Variants in AGBL4 observed in about 807,000 individuals in gnomAD.
AGBL4 encodes the protein AGBL carboxypeptidase 4, also known as cytosolic carboxypeptidase 6.
AGBL4 carries 58 observed loss-of-function variants against 66.4 expected under a neutral mutation model. That is an observed-to-expected ratio of 0.87 (90% CI 0.71 to 1.09). The LOEUF is 1.09. Ranked by LOEUF, AGBL4 falls within the 50% of genes least tolerant of loss-of-function variation. The pLI is 0.00. For missense variants in AGBL4, 579 were observed against 631.0 expected (o/e 0.92, Z 0.88); for synonymous variants, 234 against 222.9 (o/e 1.05, Z -0.44).
At chr1:49,785,784 G>A (rs1396919466) in intron 2 of AGBL4, among the ~76,000 whole-genome samples, 4 of 150,732 alleles carry the variant, frequency 2.7e-5, no homozygotes, top group Admixed American at 1.3e-4. Flanking sequence ...AACAACCTAG[G>A]CTAGAAAAAA....
chr1:49,516,175 G>A (rs973049287), intron 3 of AGBL4, among the ~76,000 whole-genome samples: 1 of 151,970 alleles, frequency 6.6e-6, no homozygotes, highest in African/African-American at 2.4e-5. Context: ...ATACAGAAAT[G>A]GATATGACAG....
chr1:49,719,773 C>T (rs1389404292), intron 2 of AGBL4, among the ~76,000 whole-genome samples: 1 of 151,994 alleles, frequency 6.6e-6, no homozygotes, highest in African/African-American at 2.4e-5. Flanking sequence ...GTAATTTAAC[C>T]ATGGAGATGT....
intron 6 of AGBL4, among the ~76,000 whole-genome samples, chr1:48,789,743 T>C (rs1645500464): frequency 2.6e-5 from 4 of 152,060 alleles, no homozygotes; most frequent in Admixed American, 2.6e-4. Flanking sequence ...CTCCAAGTCA[T>C]AGGAAGAACT....
intron 3 of AGBL4, among the ~76,000 whole-genome samples, chr1:49,669,929 G>T (rs1385003994): frequency 1.3e-5 from 2 of 151,840 alleles, no homozygotes; most frequent in South Asian, 4.2e-4. Context: ...ACAAGATAAA[G>T]AAAAAGTTGG....
chr1:48,704,899 C>T (rs988888482), intron 6 of AGBL4, among the ~76,000 whole-genome samples: 5 of 152,204 alleles, frequency 3.3e-5, no homozygotes, highest in South Asian at 2.1e-4. Flanking sequence ...TCAACTATGA[C>T]GTCCTGCGCA....
At chr1:49,367,751 T>C (rs1010293392) in intron 3 of AGBL4, among the ~76,000 whole-genome samples, 2 of 152,350 alleles carry the variant, frequency 1.3e-5, no homozygotes, top group African/African-American at 4.8e-5. Flanking sequence ...TTTTATGTTT[T>C]TATTGTGGTA....
chr1:49,489,421 A>C (rs1486345365), intron 3 of AGBL4, among the ~76,000 whole-genome samples: 1 of 151,724 alleles, frequency 6.6e-6, no homozygotes, highest in Non-Finnish European at 1.5e-5. Context: ...CTGCTTATAT[A>C]TTCTGGTTAT....
At chr1:49,066,146 G>C (rs772692525) in intron 4 of AGBL4, among the ~76,000 whole-genome samples, 16 of 152,186 alleles carry the variant, frequency 1.1e-4, no homozygotes, top group African/African-American at 3.6e-4. Context: ...GAAGATTCAC[G>C]TGAGAGCATG....
At chr1:49,446,665 T>G (rs1284462309) in intron 3 of AGBL4, among the ~76,000 whole-genome samples, 1 of 152,188 alleles carries the variant, frequency 6.6e-6, no homozygotes, top group Non-Finnish European at 1.5e-5. Flanking sequence ...GTCCAATTTT[T>G]GGGCCTCCCG....
At chr1:49,768,000 A>C (rs1203966418) in intron 2 of AGBL4, among the ~76,000 whole-genome samples, 1 of 151,474 alleles carries the variant, frequency 6.6e-6, no homozygotes, top group African/African-American at 2.4e-5. Flanking sequence ...AAAAAAAAGG[A>C]TCTCAAAGAA....
intron 4 of AGBL4, among the ~76,000 whole-genome samples, chr1:49,049,419 T>C (rs1644157433): frequency 6.6e-6 from 1 of 152,158 alleles, no homozygotes; most frequent in Admixed American, 6.6e-5. Flanking sequence ...AAAAAGATTT[T>C]TATCATCTAG....
intron 3 of AGBL4, among the ~76,000 whole-genome samples, chr1:49,543,084 T>C (rs566109881): frequency 6.6e-6 from 1 of 152,160 alleles, no homozygotes; most frequent in South Asian, 2.1e-4. Flanking sequence ...AATCACTAAA[T>C]TTGTAACATA....
At chr1:49,517,882 T>C (rs916429979) in intron 3 of AGBL4, among the ~76,000 whole-genome samples, 1 of 152,056 alleles carries the variant, frequency 6.6e-6, no homozygotes, top group African/African-American at 2.4e-5. Context: ...CCTACCAATC[T>C]AATATTGAAT....
intron 2 of AGBL4, among the ~76,000 whole-genome samples, chr1:49,779,791 G>C (rs1463505807): frequency 6.6e-6 from 1 of 152,158 alleles, no homozygotes; most frequent in East Asian, 1.9e-4. Flanking sequence ...GCTACACAGA[G>C]AATTTTGGCC....
chr1:49,734,767 T>G (rs898788621), intron 2 of AGBL4, among the ~76,000 whole-genome samples: 28 of 152,054 alleles, frequency 1.8e-4, no homozygotes, highest in African/African-American at 6.3e-4. Context: ...CAAGTTGATA[T>G]TAAACTTTAT....
At chr1:49,694,889 C>G (rs1212335924) in intron 3 of AGBL4, among the ~76,000 whole-genome samples, 1 of 152,042 alleles carries the variant, frequency 6.6e-6, no homozygotes, top group Admixed American at 6.6e-5. Context: ...CCCTCTACCC[C>G]TCCTTGTATA....
At chr1:49,009,411 A>G (rs1662182825) in intron 5 of AGBL4, among the ~76,000 whole-genome samples, 1 of 149,914 alleles carries the variant, frequency 6.7e-6, no homozygotes, top group African/African-American at 2.4e-5. Context: ...AAAAGAGTCC[A>G]GGACCAGATG....
chr1:49,703,216 T>G (rs1647134137), intron 2 of AGBL4, among the ~76,000 whole-genome samples: 1 of 151,962 alleles, frequency 6.6e-6, no homozygotes, highest in Admixed American at 6.6e-5. Flanking sequence ...AAAAAACTAT[T>G]TGAGCTAAAA....
rs566918771 is a variant in AGBL4, at chr1:49,514,707, C to G, written c.282+182606G>C. Among the ~76,000 whole-genome samples the G allele has an allele frequency of 2.2e-4, 33 of 152,016 alleles. 1 individual carries two copies. The highest frequency in any genetic ancestry group is 5.3e-4 in the African/African-American group (22 of 41,500). On this transcript the variant is annotated intron_variant, in intron 3 of 13. Transcript: ENST00000371839. ...AACAGAGATATAGATCAATGGAACACAACAGAGCCCTCAGAAATAATGCTG... is the reference window on the plus strand; with the variant it reads ...AACAGAGATATAGATCAATGGAACAGAACAGAGCCCTCAGAAATAATGCTG...
Sources: gnomAD v4.1 joint callset for allele counts (sites outside exome capture counted in the v4.1 genomes callset) on GRCh38, gnomAD v4.1.1 for gene constraint, MANE v1.5 for transcripts, NCBI Gene and HGNC (gene_info 2026-07-23, HGNC 2026-07-21) for gene names.